Variants in STKLD1 observed in about 807,000 individuals in gnomAD.
STKLD1 encodes serine/threonine kinase like domain containing 1, also known as serine/threonine kinase-like domain-containing protein STKLD1.
In STKLD1, 79 loss-of-function variants were observed where a neutral mutation model predicts 80.4. The ratio of observed to expected loss-of-function variants is 0.98; its 90% CI spans 0.82 to 1.19. STKLD1 has a LOEUF of 1.19. Ranked by LOEUF, STKLD1 falls within the 50% of genes most tolerant of loss-of-function variation. The pLI, the probability that STKLD1 is intolerant of heterozygous loss-of-function variation, is 0.00. For synonymous variants in STKLD1, 393 were observed against 357.6 expected, an observed-to-expected ratio of 1.10 and a Z score of -1.12; for missense variants, 841 against 856.0, an observed-to-expected ratio of 0.98 and a Z score of 0.22.
rs1348478680 is a variant in STKLD1, at chr9:133,398,143, A to G, written c.1081+88A>G. 3.1e-6 allele frequency: 4 copies of G among 1,307,934 alleles called. No homozygotes were observed. The Admixed American group carries it at 8.1e-5, about 26-fold the overall frequency. 81.0% of individuals were successfully genotyped at this position (1,307,934 alleles called of 1,614,324 possible). A position where few individuals can be genotyped will look rare whatever the true frequency, so the allele number is the denominator to read the frequency against. ...CTGTGGGGAGCTGAGGCTGGCCCTC[A>G]CCCCGGGCTCTCCTCGCCAGTGCTT... is the stretch of plus-strand genomic sequence containing the variant. On this transcript the variant is annotated intron_variant, in intron 11 of 17. Coordinates refer to ENST00000371957, the MANE Select transcript of STKLD1 (RefSeq NM_153710.5).
rs2130259018 is a variant in STKLD1 at position 133,378,975 on chromosome 9, G to A, written c.88-61G>A. On this transcript the variant is annotated intron_variant, in intron 1 of 17. Transcript: ENST00000371957. ...GGGCCAGAAAAGGAGTTGGAGCTGG[G>A]CTTTTGGAAAGGGAAAAGTTGTGTG... The A allele has an allele frequency of 5.1e-5, 77 of 1,503,174 alleles. 2 individuals carry two copies. The South Asian group carries it at 8.1e-4, about 16-fold the overall frequency. The allele number at this position is 1,503,174 out of a possible 1,614,324, so 93.1% of individuals were successfully genotyped here.
At position 133,394,610 on chromosome 9, in the gene STKLD1, A is replaced by T. The variant is rs1838510265; in HGVS notation, c.702+201A>T. 1.3e-5 allele frequency among the ~76,000 whole-genome samples: 2 copies of T among 152,208 alleles called. No individual in the cohort carries two copies. ...CTTGCAGCACCTGCTGGGCTCTAGC[A>T]GGATAATGACAGCAGTGGTAATATT... On this transcript the variant is annotated intron_variant, in intron 8 of 17. Coordinates refer to ENST00000371957, the MANE Select transcript of STKLD1 (RefSeq NM_153710.5). This position sits in a 1 kb window ranked among gnomAD's most constrained non-coding sequence, Gnocchi z 4.9.
chr9:133,402,942 C>T lies in STKLD1; in HGVS notation c.1404C>T (p.Leu468=). ...AGLLEHILEH[L]NSSLESRDVC... ...TGCTGGAGCACATCCTGGAGCACCT[C>T]AACAGCTCCCTCGAAAGCAGGGACG... is the stretch of plus-strand genomic sequence containing the variant. The change falls in exon 14 of 18, where the codon CTC becomes CTT. Residue 468 remains leucine, a synonymous_variant. Coordinates refer to ENST00000371957, the MANE Select transcript of STKLD1 (RefSeq NM_153710.5). The T allele has an allele frequency of 6.3e-7, 1 of 1,584,394 alleles. No individual in the cohort carries two copies. Among genetic ancestry groups the T allele is most frequent in the Non-Finnish European group, 8.6e-7 (1 of 1,165,518 alleles).
At position 133,389,832 on chromosome 9, in the gene STKLD1, G is replaced by C. The variant is rs1048412777; in HGVS notation, c.467+236G>C. Among the ~76,000 whole-genome samples the C allele has an allele frequency of 6.6e-6, 1 of 152,162 alleles. No homozygotes were observed. The highest frequency in any genetic ancestry group is 6.5e-5 in the Admixed American group (1 of 15,286). ...TGCATGGGGTGTGCGCTAGCCAGGC[G>C]GGCTGCTCTAGAGTTCGTGGAAAGG... On this transcript the variant is annotated intron_variant, in intron 6 of 17. Transcript: ENST00000371957. The surrounding 1 kb of genome is among the most constrained non-coding windows in gnomAD (Gnocchi z 6.4).
chr9:133,379,167 CTG>C (rs2130259956), intron 2 of STKLD1, 45 bp downstream of exon 2: 5 of 1,529,592 alleles, frequency 3.3e-6, no homozygotes, highest in Middle Eastern at 1.9e-4. Flanking sequence ...GGTTCTGTGA[CTG>C]TGATTTTCCC....
In STKLD1 at chr9:133,389,109, T is replaced by G. The variant is rs1838327374; in HGVS notation, c.397-417T>G. On this transcript the variant is annotated intron_variant, in intron 5 of 17. Transcript: ENST00000371957. The surrounding 1 kb of genome is among the most constrained non-coding windows in gnomAD (Gnocchi z 6.4). ...TGCAGAACACTCCTAGCATTCTCTCTCAGGGCTCTTTTCATTTGAATGACC... is the reference window on the plus strand; with the variant it reads ...TGCAGAACACTCCTAGCATTCTCTCGCAGGGCTCTTTTCATTTGAATGACC... The G allele has an allele frequency of 7.1e-6, 7 of 985,270 alleles. No individual in the cohort carries two copies. The South Asian group carries it at 3.3e-4, about 46-fold the overall frequency. 61.0% of individuals were successfully genotyped at this position (985,270 alleles called of 1,614,324 possible).
At chr9:133,399,460 CAG>C (rs782520479) in intron 11 of STKLD1, among the ~76,000 whole-genome samples, 32 of 152,354 alleles carry the variant, frequency 2.1e-4, no homozygotes, top group Non-Finnish European at 4.1e-4. Context: ...GTGACCAGGA[CAG>C]AGTCCCTGGG....
chr9:133,380,963 T>C (rs182027583), intron 2 of STKLD1, among the ~76,000 whole-genome samples: 2 of 152,290 alleles, frequency 1.3e-5, no homozygotes, highest in East Asian at 3.9e-4. Flanking sequence ...GGGCTGAGCA[T>C]TGAGCTTGTT....
In STKLD1 at chr9:133,394,201, G is replaced by A. The variant is rs1588748980; in HGVS notation, c.584-90G>A. ...AAGCTGCTTGCGGGGGGCCACCAAAGGGGATACAGTGCTGGGCAGGGTGAC... is the reference window on the plus strand; with the variant it reads ...AAGCTGCTTGCGGGGGGCCACCAAAAGGGATACAGTGCTGGGCAGGGTGAC... On this transcript the variant is annotated intron_variant, in intron 7 of 17. Transcript: ENST00000371957. The surrounding 1 kb of genome is among the most constrained non-coding windows in gnomAD (Gnocchi z 4.9). 1 of 854,966 alleles carries A rather than the reference G, an allele frequency of 1.2e-6. No individual in the cohort carries two copies. The highest frequency in any genetic ancestry group is 2.4e-5 in the East Asian group (1 of 41,094). 53.0% of individuals were successfully genotyped at this position (854,966 alleles called of 1,614,324 possible). A position where few individuals can be genotyped will look rare whatever the true frequency, so the allele number is the denominator to read the frequency against.
In STKLD1 at chr9:133,383,864, C is replaced by T; in HGVS notation, c.183C>T (p.Cys61=). 1 of 1,613,966 alleles carries T rather than the reference C, an allele frequency of 6.2e-7. No homozygotes were observed. Among genetic ancestry groups the T allele is most frequent in the Non-Finnish European group, 8.5e-7 (1 of 1,179,940 alleles). ...KVKHVIKQVE[C]MDDHYASQAL... The stretch of plus-strand genomic sequence containing the variant: ...CTCTTGTGCCCTTGCAGGTGGAATG[C>T]ATGGATGACCATTACGCCAGTCAGG... The change falls in exon 3 of 18, where the codon TGC becomes TGT. Residue 61 remains cysteine (C), a synonymous_variant. Transcript: ENST00000371957.
chr9:133,380,810 G>A lies in STKLD1; in HGVS notation c.174+1688G>A, dbSNP rs116991996. On this transcript the variant is annotated intron_variant, in intron 2 of 17. Coordinates refer to ENST00000371957, the MANE Select transcript of STKLD1 (RefSeq NM_153710.5). ...TTTTTGGATTCAGGAGAATGGTATC[G>A]TTAAAGTTGATAGCATCCTTTTTAT... 4.1e-3 allele frequency among the ~76,000 whole-genome samples: 627 copies of A among 152,112 alleles called. 6 individuals carry two copies. Among genetic ancestry groups the A allele is most frequent in the East Asian group, 0.015 (80 of 5,178 alleles).
chr9:133,381,123 C>T (rs1227438371), intron 2 of STKLD1, among the ~76,000 whole-genome samples: 3 of 144,034 alleles, frequency 2.1e-5, no homozygotes, highest in Non-Finnish European at 3.0e-5. Context: ...CTGGGTCATA[C>T]GATGTAACTT....
chr9:133,402,875 C>G lies in STKLD1; in HGVS notation c.1340-3C>G, dbSNP rs1554777906. On this transcript the variant is annotated splice_region_variant and splice_polypyrimidine_tract_variant and intron_variant, in intron 13 of 17. Coordinates refer to ENST00000371957, the MANE Select transcript of STKLD1 (RefSeq NM_153710.5). ...TGGGGCCCTCATTCTGGCTCACCCA[C>G]AGAGTCAGAGTCACTGTCAGAGGAG... 5 of 1,594,710 alleles carry G rather than the reference C, an allele frequency of 3.1e-6. No homozygotes were observed. In the African/African-American group the frequency reaches 5.4e-5, roughly 17 times the overall value.
chr9:133,401,586 T>A, intron 12 of STKLD1, 152 bp from the exon 13 acceptor site: 1 of 972,470 alleles, frequency 1.0e-6, no homozygotes, highest in Non-Finnish European at 1.5e-6. Context: ...CCACAGGGAT[T>A]CATGGAGGCC....
chr9:133,394,476 C>A lies in STKLD1; in HGVS notation c.702+67C>A. ...CACGCGCCCAGGCCTGGGGAAAAGG[C>A]TTGGCCTCACCCTGCCTCCCCTCTG... On this transcript the variant is annotated intron_variant, in intron 8 of 17. Transcript: ENST00000371957. The surrounding 1 kb of genome is among the most constrained non-coding windows in gnomAD (Gnocchi z 4.9). 8.4e-7 allele frequency: 1 copy of A among 1,189,652 alleles called. No individual in the cohort carries two copies. The highest frequency in any genetic ancestry group is 1.3e-6 in the Non-Finnish European group (1 of 797,774). 73.7% of individuals were successfully genotyped at this position (1,189,652 alleles called of 1,614,324 possible). A position where few individuals can be genotyped will look rare whatever the true frequency, so the allele number is the denominator to read the frequency against.
chr9:133,397,114 G>A, intron 9 of STKLD1, 50 bp from the exon 10 acceptor site: 1 of 1,609,662 alleles, frequency 6.2e-7, no homozygotes, highest in Non-Finnish European at 8.5e-7. Context: ...CCACGGGGAG[G>A]TGGCAGGGGG....
At chr9:133,400,138 C>A (rs1838661519) in intron 11 of STKLD1, among the ~76,000 whole-genome samples, 2 of 152,208 alleles carry the variant, frequency 1.3e-5, no homozygotes, top group South Asian at 4.1e-4. Context: ...AGAGCAGGTG[C>A]TTTCATCCTG....
rs1239346594 is a variant in STKLD1 at position 133,397,183 on chromosome 9, T to C, written c.886T>C (p.Phe296Leu). Residue 296 changes from phenylalanine (F) to leucine (L), a missense_variant, in exon 10 of 18, where the codon TTC becomes CTC. Coordinates refer to ENST00000371957, the MANE Select transcript of STKLD1 (RefSeq NM_153710.5). Reference protein sequence around the residue: ...ITIKDVVHITFLRGSFKSSCV... With the variant: ...ITIKDVVHITLLRGSFKSSCV... ...TGCTAGGGACGTGGTGCACATCACC[T>C]TCTTGAGAGGCTCCTTCAAGTCCTC... 2 of 1,613,870 alleles carry C rather than the reference T, an allele frequency of 1.2e-6. No homozygotes were observed. The highest frequency in any genetic ancestry group is 2.7e-5 in the African/African-American group (2 of 74,928).
intron 11 of STKLD1, among the ~76,000 whole-genome samples, chr9:133,399,703 A>G (rs1474735255): frequency 3.3e-5 from 5 of 152,042 alleles, no homozygotes; most frequent in Non-Finnish European, 7.4e-5. Context: ...ACATGGTGAA[A>G]CCCTGTCTCT....
Sources: gnomAD v4.1 joint callset for allele counts (sites outside exome capture counted in the v4.1 genomes callset) on GRCh38, gnomAD v4.1.1 for gene constraint, Gnocchi (gnomAD v3.1) non-coding constraint, MANE v1.5 for transcripts, NCBI Gene and HGNC (gene_info 2026-07-23, HGNC 2026-07-21) for gene names.